POF1B: variants seen among roughly 807,000 people sequenced by gnomAD.
The protein encoded by POF1B is protein POF1B.
Under a neutral mutation model 55.3 loss-of-function variants are expected in POF1B, and 53 were observed. The ratio of observed to expected loss-of-function variants is 0.96; its 90% CI spans 0.77 to 1.20. The LOEUF (loss-of-function observed/expected upper bound fraction) is 1.20, where lower values mean the gene tolerates loss of function less well. Ranked by LOEUF, POF1B falls within the 50% of genes most tolerant of loss-of-function variation. The pLI is 0.00. For missense variants in POF1B, 478 were observed against 420.5 expected (o/e 1.14, Z -1.20); for synonymous variants, 188 against 148.3 (o/e 1.27, Z -1.95).
intron 15 of POF1B, among the ~76,000 whole-genome samples, chrX:85,302,178 T>C (rs776653397): frequency 9.0e-6 from 1 of 111,353 alleles, no homozygotes; most frequent in East Asian, 2.8e-4. Context: ...ATGGAATTGA[T>C]GAAAATATTT....
chrX:85,304,631 T>A (rs1195531172), intron 13 of POF1B, among the ~76,000 whole-genome samples, 160 bp from the exon 14 acceptor site: 2 of 111,312 alleles, frequency 1.8e-5, no homozygotes, highest in Non-Finnish European at 3.8e-5. Flanking sequence ...GTATGTAATA[T>A]GAAATGAAAT....
chrX:85,328,083 T>A (rs1932918398), intron 7 of POF1B, among the ~76,000 whole-genome samples: 1 of 111,045 alleles, frequency 9.0e-6, no homozygotes, highest in Non-Finnish European at 1.9e-5. Context: ...GTGGAGTATA[T>A]CTCTATTCAA....
chrX:85,308,114 T>G lies in POF1B; in HGVS notation c.1050+10A>C, dbSNP rs755465812. The G allele has an allele frequency of 8.8e-7, 1 of 1,136,187 alleles. No homozygotes were observed. The highest frequency in any genetic ancestry group is 1.2e-6 in the Non-Finnish European group (1 of 835,520). 93.6% of individuals were successfully genotyped at this position (1,136,187 alleles called of 1,213,427 possible). A position where few individuals can be genotyped will look rare whatever the true frequency, so the allele number is the denominator to read the frequency against. On this transcript the variant is annotated intron_variant, in intron 10 of 16. Coordinates refer to ENST00000262753, the MANE Select transcript of POF1B (RefSeq NM_024921.4). ...AGAAAGGCTTTGGAAAAAATCAAAA[T>G]AAATCTTACTGTCATATCATTTTGA...
At chrX:85,345,417 A>G (rs1462916607) in intron 6 of POF1B, among the ~76,000 whole-genome samples, 2 of 111,628 alleles carry the variant, frequency 1.8e-5, no homozygotes, top group Non-Finnish European at 3.8e-5. Context: ...ATATTCTCAA[A>G]GAAGACATAC....
chrX:85,315,583 T>G, intron 8 of POF1B, 124 bp downstream of exon 8: 1 of 516,295 alleles, frequency 1.9e-6, no homozygotes, highest in South Asian at 8.3e-5. Flanking sequence ...TGGCCATAAA[T>G]TTTTTCACTT....
At chrX:85,317,396 T>C (rs1219525085) in intron 7 of POF1B, among the ~76,000 whole-genome samples, 1 of 109,836 alleles carries the variant, frequency 9.1e-6, no homozygotes, top group Non-Finnish European at 1.9e-5. Context: ...CCACCACCAG[T>C]GCATAAGCAT....
chrX:85,304,296 T>C, intron 14 of POF1B, 47 bp downstream of exon 14: 2 of 1,092,522 alleles, frequency 1.8e-6, no homozygotes, highest in Non-Finnish European at 2.4e-6. Context: ...AGTACTACAG[T>C]ACTAAGTTGT....
chrX:85,290,732 G>A (rs1412771014), intron 15 of POF1B, among the ~76,000 whole-genome samples: 1 of 111,542 alleles, frequency 9.0e-6, no homozygotes, highest in Non-Finnish European at 1.9e-5. Flanking sequence ...TTCATGTTTG[G>A]TGGTTGCTTG....
At chrX:85,282,847 C>T (rs1931937036) in intron 15 of POF1B, among the ~76,000 whole-genome samples, 1 of 110,760 alleles carries the variant, frequency 9.0e-6, no homozygotes, top group Middle Eastern at 4.6e-3. Flanking sequence ...ATCAGTGTGC[C>T]TGTATGTGAA....
intron 7 of POF1B, among the ~76,000 whole-genome samples, chrX:85,322,125 C>T (rs1469008352): frequency 1.2e-4 from 13 of 111,008 alleles, no homozygotes; most frequent in Admixed American, 6.7e-4. Context: ...AAAAAGAGCC[C>T]GCATCGCCAA....
intron 3 of POF1B, among the ~76,000 whole-genome samples, chrX:85,360,112 T>G (rs1360309850): frequency 2.7e-5 from 3 of 109,905 alleles, no homozygotes; most frequent in Non-Finnish European, 3.8e-5. Flanking sequence ...AGAGTTTTTT[T>G]GGGGGGTTCA....
At chrX:85,307,120 A>C in intron 11 of POF1B, 43 bp downstream of exon 11, 1 of 978,653 alleles carries the variant, frequency 1.0e-6, no homozygotes, top group Non-Finnish European at 1.4e-6. Flanking sequence ...TGCATATGAA[A>C]AGCTATCAAT....
chrX:85,317,100 C>T (rs1346599341), intron 7 of POF1B, among the ~76,000 whole-genome samples: 1 of 109,513 alleles, frequency 9.1e-6, no homozygotes, highest in East Asian at 2.9e-4. Context: ...GTAGATGTAC[C>T]ACATTTCCTT....
At chrX:85,337,089 G>T (rs1329632584) in intron 6 of POF1B, among the ~76,000 whole-genome samples, 1 of 111,883 alleles carries the variant, frequency 8.9e-6, no homozygotes, top group Non-Finnish European at 1.9e-5. Context: ...CACCTTGGTT[G>T]AAAATGAGTT....
chrX:85,364,828 T>C (rs957474827), intron 3 of POF1B, among the ~76,000 whole-genome samples: 5 of 112,490 alleles, frequency 4.4e-5, no homozygotes, highest in Non-Finnish European at 5.6e-5. Flanking sequence ...TCATGGACCA[T>C]ATCCTCAAAT....
At chrX:85,343,254 C>T (rs1464503473) in intron 6 of POF1B, among the ~76,000 whole-genome samples, 1 of 110,574 alleles carries the variant, frequency 9.0e-6, no homozygotes, top group Non-Finnish European at 1.9e-5. Context: ...AAAAAATCCT[C>T]CAGCCTTTAC....
At chrX:85,286,874 C>T (rs1932066340) in intron 15 of POF1B, among the ~76,000 whole-genome samples, 1 of 110,817 alleles carries the variant, frequency 9.0e-6, no homozygotes, top group African/African-American at 3.3e-5. Flanking sequence ...TAAACAAATC[C>T]ACAATCAGAG....
At chrX:85,352,022 A>G (rs1449056387) in intron 4 of POF1B, among the ~76,000 whole-genome samples, 4 of 110,900 alleles carry the variant, frequency 3.6e-5, no homozygotes, top group Admixed American at 9.6e-5. Context: ...TTAAGAGCAG[A>G]GTAGAGGCTT....
At chrX:85,346,088 T>C in intron 5 of POF1B, 46 bp from the exon 6 acceptor site, 1 of 930,001 alleles carries the variant, frequency 1.1e-6, no homozygotes. Context: ...GGATAAACAT[T>C]ACTAATCAAG....
Sources: gnomAD v4.1 joint callset for allele counts (sites outside exome capture counted in the v4.1 genomes callset) on GRCh38, gnomAD v4.1.1 for gene constraint, MANE v1.5 for transcripts, NCBI Gene and HGNC (gene_info 2026-07-23, HGNC 2026-07-21) for gene names.